The following PCDH11X variants were observed in gnomAD, a reference collection of about 807,000 sequenced individuals.
The protein encoded by PCDH11X is protocadherin-11 X-linked.
In PCDH11X, 18 loss-of-function variants were observed where a neutral mutation model predicts 53.3. That is an observed-to-expected ratio of 0.34 (90% CI 0.23 to 0.50). The LOEUF (loss-of-function observed/expected upper bound fraction) is 0.50, where lower values mean the gene tolerates loss of function less well. Among genes scored for constraint, PCDH11X ranks in the 20% least tolerant of loss-of-function variants. The probability of loss-of-function intolerance (pLI) is 0.98; values close to 1 mark genes in which losing one functional copy is unlikely to be tolerated. For missense variants in PCDH11X, 570 were observed against 1,032.4 expected (o/e 0.55, Z 6.14); for synonymous variants, 279 against 393.3 (o/e 0.71, Z 3.44).
At chrX:92,136,568 T>C (rs2065086712) in intron 6 of PCDH11X, among the ~76,000 whole-genome samples, 1 of 105,174 alleles carries the variant, frequency 9.5e-6, no homozygotes, top group African/African-American at 3.5e-5. Flanking sequence ...AATCCAGCCA[T>C]GCTCATTCTT....
chrX:92,366,189 T>A (rs1223398428), intron 8 of PCDH11X, among the ~76,000 whole-genome samples: 5 of 111,964 alleles, frequency 4.5e-5, no homozygotes, highest in Non-Finnish European at 7.5e-5. Context: ...CTTCAGGGAT[T>A]CGACTTCTTC....
intron 7 of PCDH11X, among the ~76,000 whole-genome samples, chrX:92,250,147 A>G (rs2067430315): frequency 8.9e-6 from 1 of 111,744 alleles, no homozygotes; most frequent in African/African-American, 3.2e-5. Context: ...TTTTTGACAA[A>G]TGTCACTTCA....
intron 9 of PCDH11X, among the ~76,000 whole-genome samples, chrX:92,445,820 G>A (rs1338758730): frequency 1.8e-5 from 2 of 110,394 alleles, no homozygotes; most frequent in Admixed American, 1.9e-4. Flanking sequence ...AAATATATAT[G>A]GGATATCATA....
intron 9 of PCDH11X, among the ~76,000 whole-genome samples, chrX:92,404,733 A>C (rs186689722): frequency 0.012 from 1,274 of 104,803 alleles, 22 homozygotes; most frequent in African/African-American, 0.043. Flanking sequence ...CTTCCTGCTT[A>C]CATAATTTTG....
chrX:92,339,548 C>A (rs34658739), intron 8 of PCDH11X, among the ~76,000 whole-genome samples: 1 of 111,409 alleles, frequency 9.0e-6, no homozygotes, highest in African/African-American at 3.3e-5. Flanking sequence ...TCCTCAGGAA[C>A]TTTACCATCA....
rs374625558 is a variant in PCDH11X, at chrX:92,587,593, G to A, written c.3368-30671G>A. On this transcript the variant is annotated intron_variant, in intron 10 of 10. Coordinates refer to ENST00000682573, the MANE Select transcript of PCDH11X (RefSeq NM_032968.5). The stretch of plus-strand genomic sequence containing the variant: ...TAAGAGCAAATTTTCCTTCTGAGCC[G>A]AAACAGATGAATTATGCTCTGACAG... Among the ~76,000 whole-genome samples, 578 of 110,813 alleles carry A rather than the reference G, an allele frequency of 5.2e-3. 5 individuals carry two copies. The highest frequency in any genetic ancestry group is 0.018 in the African/African-American group (538 of 30,179).
chrX:92,601,468 C>G (rs1460720861), intron 10 of PCDH11X, among the ~76,000 whole-genome samples: 1 of 95,406 alleles, frequency 1.0e-5, no homozygotes, highest in Non-Finnish European at 2.1e-5. Flanking sequence ...TGTAAAATGG[C>G]GTAGCTACTA....
chrX:91,808,595 C>T (rs1936198895), intron 1 of PCDH11X, among the ~76,000 whole-genome samples: 1 of 110,719 alleles, frequency 9.0e-6, no homozygotes, highest in Admixed American at 9.6e-5. Flanking sequence ...ATCCACATCA[C>T]ATTATGAGGA....
At chrX:92,255,459 T>A (rs1280498893) in intron 7 of PCDH11X, among the ~76,000 whole-genome samples, 1 of 109,150 alleles carries the variant, frequency 9.2e-6, no homozygotes, top group Non-Finnish European at 1.9e-5. Context: ...TCATTCTCCG[T>A]CCAGCTTTGT....
intron 8 of PCDH11X, among the ~76,000 whole-genome samples, chrX:92,322,916 C>T (rs1464792087): frequency 1.8e-5 from 2 of 111,060 alleles, no homozygotes; most frequent in Non-Finnish European, 3.8e-5. Flanking sequence ...TCAAACAGGT[C>T]GTGTTTCCTC....
At chrX:92,609,885 T>C (rs1176842110) in intron 10 of PCDH11X, among the ~76,000 whole-genome samples, 1 of 111,563 alleles carries the variant, frequency 9.0e-6, no homozygotes, top group Non-Finnish European at 1.9e-5. Context: ...TTGCTTAGGA[T>C]AATGGCCTCC....
chrX:92,126,934 T>A (rs2064877781), intron 6 of PCDH11X, among the ~76,000 whole-genome samples: 1 of 107,943 alleles, frequency 9.3e-6, no homozygotes, highest in Non-Finnish European at 1.9e-5. Flanking sequence ...AAGCATGATT[T>A]TTATTAAATT....
chrX:92,112,347 AAAG>A (rs1160820422), intron 6 of PCDH11X, among the ~76,000 whole-genome samples: 2 of 102,209 alleles, frequency 2.0e-5, no homozygotes, highest in African/African-American at 7.6e-5. Flanking sequence ...AAAAAAAAAA[AAAG>A]TATAGTCATC....
chrX:92,182,294 G>A (rs1439061186), intron 6 of PCDH11X, among the ~76,000 whole-genome samples: 1 of 111,657 alleles, frequency 9.0e-6, no homozygotes, highest in African/African-American at 3.3e-5. Context: ...TGTATTTACC[G>A]ATTGCCTATA....
chrX:91,806,748 T>C (rs978358620), intron 1 of PCDH11X, among the ~76,000 whole-genome samples: 26 of 112,147 alleles, frequency 2.3e-4, no homozygotes, highest in African/African-American at 7.8e-4. Flanking sequence ...TCAGAAACTT[T>C]CTTACCATTG....
chrX:91,996,043 A>G (rs1374639419), intron 6 of PCDH11X, among the ~76,000 whole-genome samples: 16 of 104,060 alleles, frequency 1.5e-4, no homozygotes, highest in Non-Finnish European at 2.1e-4. Context: ...GGGTTTCACC[A>G]TGTTAGCCAG....
At chrX:92,042,115 T>A (rs961445772) in intron 6 of PCDH11X, among the ~76,000 whole-genome samples, 1 of 111,608 alleles carries the variant, frequency 9.0e-6, no homozygotes, top group Non-Finnish European at 1.9e-5. Flanking sequence ...CAGTATTATG[T>A]GATAAGAATA....
At chrX:91,789,082 C>G (rs1346570721) in intron 1 of PCDH11X, among the ~76,000 whole-genome samples, 4 of 105,673 alleles carry the variant, frequency 3.8e-5, no homozygotes, top group African/African-American at 1.0e-4. Context: ...CGCGCCTGTA[C>G]TCCCAGCTAC....
At chrX:91,998,053 C>T (rs932548644) in intron 6 of PCDH11X, among the ~76,000 whole-genome samples, 19 of 109,711 alleles carry the variant, frequency 1.7e-4, no homozygotes, top group African/African-American at 6.0e-4. Context: ...TCTGCCTCAG[C>T]CTCCTGAGTA....
Sources: allele counts gnomAD v4.1 joint callset (sites outside exome capture counted in the v4.1 genomes callset), GRCh38; gene constraint gnomAD v4.1.1; transcripts MANE v1.5; gene names NCBI Gene and HGNC (gene_info 2026-07-23, HGNC 2026-07-21).